The following CCDC192 variants were observed in gnomAD, a reference collection of about 807,000 sequenced individuals.
CCDC192 encodes the protein coiled-coil domain containing 192, also known as coiled-coil domain-containing protein 192.
At chr5:127,755,736 T>A (rs1754543878) in intron 3 of CCDC192, among the ~76,000 whole-genome samples, 1 of 150,206 alleles carries the variant, frequency 6.7e-6, no homozygotes, top group African/African-American at 2.4e-5. Context: ...GATTTTTCAA[T>A]GGATAACTAA....
rs775076748 is a variant in CCDC192, at chr5:127,798,167, G to A, written c.411+5G>A. Reference sequence around the variant, plus strand: ...CAGGAGCAACTTATAGCCCAGGTAAGTGTTTTCCTCCTTTTTTCATCCCTT... The same window carrying A: ...CAGGAGCAACTTATAGCCCAGGTAAATGTTTTCCTCCTTTTTTCATCCCTT... On this transcript the variant is annotated splice_donor_5th_base_variant and intron_variant, in intron 5 of 6. Transcript: ENST00000514853. 7.5e-6 allele frequency: 3 copies of A among 398,354 alleles called. No homozygotes were observed. The highest frequency in any genetic ancestry group is 1.3e-5 in the Non-Finnish European group (3 of 225,586). 24.7% of individuals were successfully genotyped at this position (398,354 alleles called of 1,614,324 possible).
intron 5 of CCDC192, among the ~76,000 whole-genome samples, chr5:127,842,361 G>T (rs1214965134): frequency 1.3e-5 from 2 of 152,160 alleles, no homozygotes; most frequent in Non-Finnish European, 2.9e-5. Context: ...GGGATGACAG[G>T]TGTGAACCAC....
At chr5:127,717,928 C>CAAAAAAAA in intron 2 of CCDC192, among the ~76,000 whole-genome samples, 123 of 97,834 alleles carry the variant, frequency 1.3e-3, no homozygotes, top group Non-Finnish European at 1.5e-3. Context: ...TAAAGCTAGA[C>CAAAAAAAA]AAAAAAAAAA....
intron 6 of CCDC192, among the ~76,000 whole-genome samples, chr5:127,911,158 A>G (rs1325801185): frequency 6.6e-6 from 1 of 152,226 alleles, no homozygotes; most frequent in Non-Finnish European, 1.5e-5. Flanking sequence ...GCATGCATTG[A>G]GTCCCACAAT....
chr5:127,706,013 A>G (rs1750936039), intron 1 of CCDC192, among the ~76,000 whole-genome samples: 5 of 152,160 alleles, frequency 3.3e-5, no homozygotes, highest in Admixed American at 3.3e-4. Flanking sequence ...GAGAAAAGCA[A>G]TTACATCTCT....
chr5:127,708,781 T>C (rs1474313849), intron 2 of CCDC192, among the ~76,000 whole-genome samples: 1 of 152,162 alleles, frequency 6.6e-6, no homozygotes, highest in African/African-American at 2.4e-5. Flanking sequence ...TTATTCGGAA[T>C]TGATAGCATT....
intron 5 of CCDC192, among the ~76,000 whole-genome samples, chr5:127,854,529 T>G (rs534053269): frequency 6.6e-6 from 1 of 152,294 alleles, no homozygotes; most frequent in South Asian, 2.1e-4. Flanking sequence ...ATGTATAGTA[T>G]AGGAAAAATC....
At chr5:127,848,197 T>C (rs1750648167) in intron 5 of CCDC192, among the ~76,000 whole-genome samples, 1 of 152,196 alleles carries the variant, frequency 6.6e-6, no homozygotes, top group Non-Finnish European at 1.5e-5. Context: ...GTGAAGCATT[T>C]CTGTGTCCTC....
At position 127,735,469 on chromosome 5, in the gene CCDC192, T is replaced by G. The variant is rs1205854621; in HGVS notation, c.115-18799T>G. ...GTTTTTTCCAATTCTTTGAAGAAAGTCATTGGTAGCTTGATGGGGATGGCA... is the reference window on the plus strand; with the variant it reads ...GTTTTTTCCAATTCTTTGAAGAAAGGCATTGGTAGCTTGATGGGGATGGCA... On this transcript the variant is annotated intron_variant, in intron 2 of 6. Coordinates refer to ENST00000514853, the MANE Select transcript of CCDC192 (RefSeq NM_001317938.2). Among the ~76,000 whole-genome samples the G allele has an allele frequency of 1.8e-3, 232 of 131,748 alleles. 1 individual carries two copies. The highest frequency in any genetic ancestry group is 6.4e-3 in the African/African-American group (204 of 31,944). The allele number at this position is 131,748 out of a possible 152,430, so 86.4% of individuals were successfully genotyped here.
chr5:127,811,259 C>T (rs1430291915), intron 5 of CCDC192, among the ~76,000 whole-genome samples: 4 of 152,148 alleles, frequency 2.6e-5, no homozygotes, highest in African/African-American at 9.7e-5. Context: ...CTTGTTGGGG[C>T]ATTTTCAGGT....
intron 4 of CCDC192, among the ~76,000 whole-genome samples, chr5:127,797,731 GTATATA>G (rs146458343): frequency 6.6e-3 from 139 of 20,968 alleles, no homozygotes; most frequent in South Asian, 0.022. Flanking sequence ...TCATGTGAAG[GTATATA>G]TATATATATA....
rs75828867 is a variant in CCDC192, at chr5:127,909,317, T to C, written c.536-31865T>C. ...AGTAGGAGCACTTCTGTTTCCAAACTGCAAGGACTGAGTTACCCTAAATGG... is the reference window on the plus strand; with the variant it reads ...AGTAGGAGCACTTCTGTTTCCAAACCGCAAGGACTGAGTTACCCTAAATGG... On this transcript the variant is annotated intron_variant, in intron 6 of 6. Coordinates refer to ENST00000514853, the MANE Select transcript of CCDC192 (RefSeq NM_001317938.2). Among the ~76,000 whole-genome samples the C allele has an allele frequency of 3.5e-3, 530 of 152,202 alleles. 3 individuals carry two copies. Among genetic ancestry groups the C allele is most frequent in the African/African-American group, 0.012 (498 of 41,538 alleles).
chr5:127,725,560 C>A (rs1752273310), intron 2 of CCDC192, among the ~76,000 whole-genome samples: 1 of 152,026 alleles, frequency 6.6e-6, no homozygotes, highest in South Asian at 2.1e-4. Context: ...ATTTATTGTA[C>A]TAAAGCTTCA....
intron 6 of CCDC192, chr5:127,935,645 T>C (rs1037883809): frequency 2.0e-5 from 3 of 152,208 alleles, no homozygotes; most frequent in Admixed American, 2.0e-4. Context: ...GCCCCACTGT[T>C]TTCCCAGTCT....
At chr5:127,859,008 C>T (rs1751240367) in intron 5 of CCDC192, among the ~76,000 whole-genome samples, 1 of 152,244 alleles carries the variant, frequency 6.6e-6, no homozygotes, top group African/African-American at 2.4e-5. Context: ...AATCATGAAG[C>T]TCTACCTGGA....
At chr5:127,881,410 C>CAAAATAAA (rs1752347223) in intron 6 of CCDC192, among the ~76,000 whole-genome samples, 1 of 152,150 alleles carries the variant, frequency 6.6e-6, no homozygotes. Flanking sequence ...ATTAGAACTC[C>CAAAATAAA]TTTTTACCTC....
At chr5:127,806,615 T>A (rs1009174152) in intron 5 of CCDC192, among the ~76,000 whole-genome samples, 5 of 112,592 alleles carry the variant, frequency 4.4e-5, no homozygotes, top group Middle Eastern at 9.1e-3. Flanking sequence ...TTAGAGGTTC[T>A]CATATTCAAA....
intron 3 of CCDC192, among the ~76,000 whole-genome samples, chr5:127,761,988 G>T (rs778713053): frequency 2.2e-4 from 34 of 152,014 alleles, no homozygotes; most frequent in Non-Finnish European, 3.8e-4. Context: ...GCAAATTTTT[G>T]ATACTGAATT....
chr5:127,843,081 C>T (rs1750366671), intron 5 of CCDC192, among the ~76,000 whole-genome samples: 2 of 124,482 alleles, frequency 1.6e-5, no homozygotes, highest in African/African-American at 6.3e-5. Context: ...GTTGCCCAGG[C>T]TGGAGTGCAG....
Sources: gnomAD v4.1 joint callset for allele counts (sites outside exome capture counted in the v4.1 genomes callset) on GRCh38, gnomAD v4.1.1 for gene constraint, MANE v1.5 for transcripts, NCBI Gene and HGNC (gene_info 2026-07-23, HGNC 2026-07-21) for gene names.